SPAST: variants seen among roughly 807,000 people sequenced by gnomAD.
The protein encoded by SPAST is spastin, also known as spastic paraplegia 4 (autosomal dominant; spastin).
SPAST carries 30 observed loss-of-function variants against 76.6 expected under a neutral mutation model. The ratio of observed to expected loss-of-function variants is 0.39; its 90% confidence interval spans 0.29 to 0.53. The LOEUF (loss-of-function observed/expected upper bound fraction) is 0.53, where lower values mean the gene tolerates loss of function less well. Among genes scored for constraint, SPAST ranks in the 20% least tolerant of loss-of-function variants. The probability of loss-of-function intolerance (pLI) is 0.68; values close to 1 mark genes in which losing one functional copy is unlikely to be tolerated. For missense variants in SPAST, 717 were observed against 770.5 expected (o/e 0.93, Z 0.82); for synonymous variants, 305 against 281.0 (o/e 1.09, Z -0.86).
At position 32,111,666 on chromosome 2, in the gene SPAST, TTC is replaced by T. The variant is rs1678614344; in HGVS notation, c.683-2968_683-2967del. On this transcript the variant is annotated intron_variant, in intron 4 of 16. Transcript: ENST00000315285. ...CTTTATATTATAGGTATATACTCTT[TTC>T]TCTGTTTAATTTGCTTTTTAACTAG... Among the ~76,000 whole-genome samples the T allele has an allele frequency of 4.0e-5, 6 of 151,080 alleles. No homozygotes were observed. The South Asian group carries it at 1.2e-3, about 31-fold the overall frequency.
intron 3 of SPAST, among the ~76,000 whole-genome samples, chr2:32,094,686 G>A (rs527529704): frequency 6.6e-6 from 1 of 152,312 alleles, no homozygotes; most frequent in African/African-American, 2.4e-5. Flanking sequence ...TTTTAAGAAA[G>A]CAGCCCAGTG....
Position 32,154,755 on chromosome 2 carries a change from A to C in SPAST, c.*259A>C. The C allele has an allele frequency of 2.2e-6, 1 of 450,820 alleles. No individual in the cohort carries two copies. 27.9% of individuals were successfully genotyped at this position (450,820 alleles called of 1,614,324 possible). A position where few individuals can be genotyped will look rare whatever the true frequency, so the allele number is the denominator to read the frequency against. The stretch of plus-strand genomic sequence containing the variant: ...GGACACTAAGTTAGAGCACAACAAA[A>C]CCTGATTCTGGTCTTCTTTACCAAT... On this transcript the variant is annotated 3_prime_UTR_variant, in exon 17 of 17. Transcript: ENST00000315285.
chr2:32,067,137 C>G (rs1276137670), intron 1 of SPAST, among the ~76,000 whole-genome samples: 1 of 152,150 alleles, frequency 6.6e-6, no homozygotes, highest in African/African-American at 2.4e-5. Context: ...TCTTGGCTCA[C>G]TGCAACCTCT....
intron 12 of SPAST, 90 bp from the exon 13 acceptor site, chr2:32,141,814 T>C: frequency 3.0e-6 from 3 of 1,002,378 alleles, no homozygotes; most frequent in Non-Finnish European, 4.6e-6. Flanking sequence ...GTGCCTTGAA[T>C]ATTATATTTT....
At chr2:32,152,193 G>C (rs1417145896) in intron 16 of SPAST, among the ~76,000 whole-genome samples, 1 of 151,940 alleles carries the variant, frequency 6.6e-6, no homozygotes, top group Non-Finnish European at 1.5e-5. Flanking sequence ...AGTCTCTTAC[G>C]TTAAAATATC....
intron 15 of SPAST, 104 bp from the exon 16 acceptor site, chr2:32,147,114 G>A (rs1679911857): frequency 2.6e-6 from 2 of 776,518 alleles, no homozygotes; most frequent in Non-Finnish European, 4.7e-6. Context: ...ATAATGATTT[G>A]TACTGAATAG....
chr2:32,126,342 T>A (rs1405433785), intron 7 of SPAST, among the ~76,000 whole-genome samples: 1 of 152,178 alleles, frequency 6.6e-6, no homozygotes, highest in African/African-American at 2.4e-5. Flanking sequence ...GTTTGGAAGA[T>A]TCATATATTT....
intron 7 of SPAST, among the ~76,000 whole-genome samples, chr2:32,117,296 A>G (rs950841009): frequency 1.3e-5 from 2 of 151,968 alleles, no homozygotes; most frequent in Admixed American, 6.6e-5. Context: ...ATAAAAATAA[A>G]TAAATAATAT....
In SPAST at chr2:32,063,941, G is replaced by A; in HGVS notation, c.110G>A (p.Gly37Glu). 6.2e-7 allele frequency: 1 copy of A among 1,606,562 alleles called. No homozygotes were observed. The highest frequency in any genetic ancestry group is 1.1e-5 in the South Asian group (1 of 90,160). Residue 37 changes from glycine to glutamate, a missense_variant, in exon 1 of 17, where the codon GGG becomes GAG. Gly to Glu is a moderately conservative substitution (Grantham distance 98). Transcript: ENST00000315285. The stretch of plus-strand genomic sequence containing the variant: ...CTGGCCCCCGCCCCTCCCGCCGCCG[G>A]GCCGGCCCCTCCGCCCGAGTCGCCG... ...PCLAPAPPAA[G>E]PAPPPESPHK...
intron 3 of SPAST, 26 bp from the exon 4 acceptor site, chr2:32,098,770 T>C (rs1265593498): frequency 2.1e-6 from 3 of 1,458,956 alleles, no homozygotes; most frequent in Non-Finnish European, 2.9e-6. Context: ...TTATTTTTTC[T>C]GTTTTTTACC....
At chr2:32,131,964 C>CA (rs1214428838) in intron 9 of SPAST, among the ~76,000 whole-genome samples, 1 of 152,132 alleles carries the variant, frequency 6.6e-6, no homozygotes, top group Admixed American at 6.6e-5. Context: ...CGGCCTACAG[C>CA]AACCATTCTC....
chr2:32,126,112 C>T (rs1679184200), intron 7 of SPAST, among the ~76,000 whole-genome samples: 1 of 152,128 alleles, frequency 6.6e-6, no homozygotes, highest in South Asian at 2.1e-4. Context: ...GCCAGTTCCT[C>T]TGTTTTTGAC....
chr2:32,153,741 G>C (rs533446567), intron 16 of SPAST, among the ~76,000 whole-genome samples: 3 of 151,954 alleles, frequency 2.0e-5, no homozygotes, highest in Admixed American at 6.6e-5. Context: ...ATTTCCAAAG[G>C]CAATTTAAAA....
intron 4 of SPAST, among the ~76,000 whole-genome samples, chr2:32,100,279 C>G (rs1678071039): frequency 6.9e-6 from 1 of 145,588 alleles, no homozygotes; most frequent in South Asian, 2.1e-4. Context: ...AGCATTTTTT[C>G]ATATCTTTGT....
At chr2:32,149,485 T>C (rs540395202) in intron 16 of SPAST, among the ~76,000 whole-genome samples, 2 of 152,180 alleles carry the variant, frequency 1.3e-5, no homozygotes, top group Admixed American at 1.3e-4. Context: ...AAATATAAAA[T>C]TGGGTATGCA....
chr2:32,116,005 C>A, intron 6 of SPAST, 114 bp from the exon 7 acceptor site: 2 of 969,514 alleles, frequency 2.1e-6, no homozygotes, highest in South Asian at 2.9e-5. Context: ...ACTGATTTAA[C>A]TATAGTTTAA....
At position 32,087,631 on chromosome 2, in the gene SPAST, T is replaced by C. The variant is rs7561519; in HGVS notation, c.502+53T>C. ...CCAAATTATGATATATTCACATGAT[T>C]GTCCAGATTTCAGATCTATTTATTT... On this transcript the variant is annotated intron_variant, in intron 2 of 16. Coordinates refer to ENST00000315285, the MANE Select transcript of SPAST (RefSeq NM_014946.4). 0.42 allele frequency: 311,628 copies of C among 750,528 alleles called. 68,475 individuals are homozygous for C. Among genetic ancestry groups the C allele is most frequent in the East Asian group, 0.59 (20,504 of 34,600 alleles). The allele number at this position is 750,528 out of a possible 1,614,324, so 46.5% of individuals were successfully genotyped here.
chr2:32,152,177 T>C (rs751331838), intron 16 of SPAST, among the ~76,000 whole-genome samples: 47 of 152,224 alleles, frequency 3.1e-4, no homozygotes, highest in Non-Finnish European at 2.4e-4. Flanking sequence ...TCCTGTTGTA[T>C]ACATTAGTCT....
chr2:32,084,722 C>G (rs914690977), intron 1 of SPAST, among the ~76,000 whole-genome samples: 55 of 151,030 alleles, frequency 3.6e-4, no homozygotes, highest in Non-Finnish European at 4.4e-5. Context: ...CCCGTCTCTA[C>G]TAAAAATACA....
Sources: allele counts gnomAD v4.1 joint callset (sites outside exome capture counted in the v4.1 genomes callset), GRCh38; gene constraint gnomAD v4.1.1; transcripts MANE v1.5; gene names NCBI Gene and HGNC (gene_info 2026-07-23, HGNC 2026-07-21).